The following HEATR3 variants were observed in gnomAD, a reference collection of about 807,000 sequenced individuals.
HEATR3 encodes the protein HEAT repeat containing 3, also known as HEAT repeat-containing protein 3.
HEATR3 carries 56 observed loss-of-function variants against 72.8 expected under a neutral mutation model. The ratio of observed to expected loss-of-function variants is 0.77; its 90% confidence interval spans 0.62 to 0.96. HEATR3 has a LOEUF of 0.96. Among genes scored for constraint, HEATR3 ranks in the 40% least tolerant of loss-of-function variants. The pLI, the probability that HEATR3 is intolerant of heterozygous loss-of-function variation, is 0.00. For synonymous variants in HEATR3, 331 were observed against 318.1 expected (o/e 1.04, Z -0.43); for missense variants, 747 against 831.4 (o/e 0.90, Z 1.25).
Position 50,068,846 on chromosome 16 carries a change from T to C in HEATR3, c.378T>C (p.Pro126=), listed in dbSNP as rs1430883638. The C allele has an allele frequency of 6.2e-7, 1 of 1,613,750 alleles. No homozygotes were observed. The highest frequency in any genetic ancestry group is 8.5e-7 in the Non-Finnish European group (1 of 1,179,730). ...DDMVTKDIMT[P]LVALLKECSA... The stretch of plus-strand genomic sequence containing the variant: ...TGGTGACTAAGGATATCATGACCCC[T>C]CTGGTTGCGCTGCTAAAAGAGGTAT... The change falls in exon 3 of 15, where the codon CCT becomes CCC. Residue 126 remains proline, a synonymous_variant. Coordinates refer to ENST00000299192, the MANE Select transcript of HEATR3 (RefSeq NM_182922.4).
chr16:50,078,717 T>C, intron 6 of HEATR3, 24 bp from the exon 7 acceptor site: 2 of 1,595,320 alleles, frequency 1.3e-6, no homozygotes, highest in East Asian at 2.2e-5. Flanking sequence ...GCATTTCTTA[T>C]CCTTATGCTT....
chr16:50,072,973 A>T (rs2036646471), intron 5 of HEATR3: 1 of 369,188 alleles, frequency 2.7e-6, no homozygotes, highest in Non-Finnish European at 4.9e-6. Flanking sequence ...GCCTGTTTCC[A>T]TTCTTAGCAG....
chr16:50,072,502 C>A (rs867928475), intron 4 of HEATR3, 103 bp from the exon 5 acceptor site: 1 of 708,108 alleles, frequency 1.4e-6, no homozygotes, highest in African/African-American at 1.8e-5. Context: ...GATTCCAACT[C>A]CTTGGTTTAT....
rs202168487 is a variant in HEATR3, at chr16:50,079,037, C to T, written c.1041+19C>T. 1 of 1,590,216 alleles carries T rather than the reference C, an allele frequency of 6.3e-7. No individual in the cohort carries two copies. Among genetic ancestry groups the T allele is most frequent in the Non-Finnish European group, 8.5e-7 (1 of 1,172,810 alleles). ...ACTTCCGGTAAGTCAGGTTGCTGTTCTCAAATATGGATTAATACAGCTGTT... is the reference window on the plus strand; with the variant it reads ...ACTTCCGGTAAGTCAGGTTGCTGTTTTCAAATATGGATTAATACAGCTGTT... On this transcript the variant is annotated intron_variant, in intron 7 of 14. Transcript: ENST00000299192.
At chr16:50,072,144 C>T (rs1597139585) in intron 4 of HEATR3, among the ~76,000 whole-genome samples, 1 of 151,874 alleles carries the variant, frequency 6.6e-6, no homozygotes, top group East Asian at 1.9e-4. Context: ...GCCTTTTATC[C>T]TCCTTTAACT....
intron 11 of HEATR3, among the ~76,000 whole-genome samples, chr16:50,088,353 C>T (rs2037033894): frequency 6.6e-6 from 1 of 152,142 alleles, no homozygotes; most frequent in South Asian, 2.1e-4. Context: ...CTGTCTCTGC[C>T]ACCCTTTCAA....
At position 50,086,332 on chromosome 16, in the gene HEATR3, G is replaced by A. The variant is rs2036987657; in HGVS notation, c.1491G>A (p.Gln497=). 6.2e-7 allele frequency: 1 copy of A among 1,601,820 alleles called. No homozygotes were observed. Among genetic ancestry groups the A allele is most frequent in the Admixed American group, 1.7e-5 (1 of 58,244 alleles). ...ALQTLAQHLS[Q]LLFSQPDFAK... ...AGACGCTTGCACAGCATCTGTCACA[G>A]CTGCTTTTTTCTCAACCAGGTATTT... is the stretch of plus-strand genomic sequence containing the variant. Residue 497 remains glutamine (Q), a synonymous_variant, in exon 11 of 15, where the codon CAG becomes CAA. Transcript: ENST00000299192.
intron 7 of HEATR3, 90 bp downstream of exon 7, chr16:50,079,108 G>A: frequency 7.8e-7 from 1 of 1,286,324 alleles, no homozygotes. Context: ...AAATGTTATA[G>A]CAAAATTAGC....
chr16:50,094,683 A>G (rs200415297), intron 11 of HEATR3, 22 bp from the exon 12 acceptor site: 11 of 1,434,960 alleles, frequency 7.7e-6, no homozygotes, highest in East Asian at 2.5e-5. Context: ...TGCAAATTTT[A>G]TATTTCATTT....
At chr16:50,066,295 G>A (rs1415097069) in intron 1 of HEATR3, 26 bp downstream of exon 1, 22 of 1,577,480 alleles carry the variant, frequency 1.4e-5, no homozygotes, top group Non-Finnish European at 1.8e-5. Context: ...CGTCGGGCCG[G>A]GAGGCGAGAC....
chr16:50,079,538 A>G (rs2036819175), intron 7 of HEATR3, among the ~76,000 whole-genome samples: 2 of 152,146 alleles, frequency 1.3e-5, no homozygotes, highest in African/African-American at 2.4e-5. Flanking sequence ...ATGGTGGCAT[A>G]CTTGTGCTGG....
intron 12 of HEATR3, among the ~76,000 whole-genome samples, chr16:50,095,641 C>T (rs1380615946): frequency 6.6e-6 from 1 of 152,022 alleles, no homozygotes; most frequent in Non-Finnish European, 1.5e-5. Context: ...AATCCTCCCA[C>T]CTCAGCCTCC....
Position 50,088,632 on chromosome 16 carries a change from C to T in HEATR3, c.1510+2281C>T, listed in dbSNP as rs568943855. 1.6e-4 allele frequency among the ~76,000 whole-genome samples: 24 copies of T among 152,282 alleles called. 1 individual carries two copies. In the South Asian group the frequency reaches 2.7e-3, roughly 17 times the overall value. On this transcript the variant is annotated intron_variant, in intron 11 of 14. Transcript: ENST00000299192. Reference sequence around the variant, plus strand: ...ACCTGGAAGAGATCTGGATGGTAAACGGGGAGGGGACTTTCCCCAACTTTT... The same window carrying T: ...ACCTGGAAGAGATCTGGATGGTAAATGGGGAGGGGACTTTCCCCAACTTTT...
At chr16:50,091,430 GCAC>G (rs2037107847) in intron 11 of HEATR3, among the ~76,000 whole-genome samples, 1 of 151,898 alleles carries the variant, frequency 6.6e-6, no homozygotes. Context: ...TCTTGCCACT[GCAC>G]TCCAGCCTGA....
chr16:50,075,760 A>T (rs760814528), intron 6 of HEATR3, 49 bp downstream of exon 6: 4 of 1,562,308 alleles, frequency 2.6e-6, no homozygotes, highest in Middle Eastern at 3.7e-4. Context: ...AGCTTTTGGT[A>T]TGGATGTGGT....
intron 11 of HEATR3, among the ~76,000 whole-genome samples, chr16:50,087,876 C>T (rs1268462547): frequency 6.6e-6 from 1 of 152,122 alleles, no homozygotes; most frequent in Non-Finnish European, 1.5e-5. Context: ...CCTGTAATCC[C>T]AGCACTTTGG....
At position 50,083,797 on chromosome 16, in the gene HEATR3, T is replaced by G. The variant is rs562504421; in HGVS notation, c.1042-140T>G. ...GTTTGTACTTCTGGCACTTCATGAC[T>G]TTTCTTTTACCTACCCCATTCCCCG... On this transcript the variant is annotated intron_variant, in intron 7 of 14. Transcript: ENST00000299192. The G allele has an allele frequency of 3.7e-5, 25 of 666,820 alleles. No homozygotes were observed. In the South Asian group the frequency reaches 4.7e-4, roughly 13 times the overall value. 41.3% of individuals were successfully genotyped at this position (666,820 alleles called of 1,614,324 possible).
At chr16:50,084,326 A>C (rs1290922905) in intron 9 of HEATR3, 35 bp downstream of exon 9, 1 of 1,599,692 alleles carries the variant, frequency 6.3e-7, no homozygotes, top group African/African-American at 1.3e-5. Context: ...ACCGTGGAGC[A>C]TGGGAAAGGC....
intron 3 of HEATR3, chr16:50,069,103 A>C: frequency 5.8e-6 from 2 of 347,348 alleles, no homozygotes. Context: ...TCACTCCTTT[A>C]GATGTTAAAC....
Sources: gnomAD v4.1 joint callset for allele counts (sites outside exome capture counted in the v4.1 genomes callset) on GRCh38, gnomAD v4.1.1 for gene constraint, MANE v1.5 for transcripts, NCBI Gene and HGNC (gene_info 2026-07-23, HGNC 2026-07-21) for gene names.